The following CNGB3 variants were observed in gnomAD, a reference collection of about 807,000 sequenced individuals.
CNGB3 encodes the protein cyclic nucleotide-gated channel beta-3.
Under a neutral mutation model 92.8 loss-of-function variants are expected in CNGB3, and 86 were observed. The observed-to-expected ratio is 0.93, with a 90% CI of 0.78 to 1.11. The LOEUF is 1.11. Ranked by LOEUF, CNGB3 falls within the 50% of genes least tolerant of loss-of-function variation. CNGB3 has a pLI of 0.00. For synonymous variants in CNGB3, 333 were observed against 332.7 expected, an observed-to-expected ratio of 1.00 and a Z score of -0.01; for missense variants, 1,026 against 956.8, an observed-to-expected ratio of 1.07 and a Z score of -0.95.
At chr8:86,659,132 C>T (rs1823578570) in intron 6 of CNGB3, 1 of 711,886 alleles carries the variant, frequency 1.4e-6, no homozygotes, top group Non-Finnish European at 2.5e-6. Flanking sequence ...TCTCCAGCTC[C>T]TGTACCCGAG....
chr8:86,740,384 C>A (rs1422399079), intron 1 of CNGB3, among the ~76,000 whole-genome samples: 1 of 152,114 alleles, frequency 6.6e-6, no homozygotes, highest in Non-Finnish European at 1.5e-5. Context: ...AGGAAGTGGT[C>A]AATTCTACTG....
intron 3 of CNGB3, among the ~76,000 whole-genome samples, chr8:86,700,434 C>A (rs1480289481): frequency 1.3e-5 from 2 of 152,108 alleles, no homozygotes; most frequent in African/African-American, 4.8e-5. Context: ...GGTAAAAATT[C>A]TGGAAATTTT....
chr8:86,697,398 T>C (rs995066093), intron 3 of CNGB3, among the ~76,000 whole-genome samples: 1 of 152,222 alleles, frequency 6.6e-6, no homozygotes, highest in Non-Finnish European at 1.5e-5. Flanking sequence ...TGTAGTTATA[T>C]CATTAGAGAT....
intron 3 of CNGB3, among the ~76,000 whole-genome samples, chr8:86,723,956 A>T (rs1825015951): frequency 6.6e-6 from 1 of 152,092 alleles, no homozygotes; most frequent in African/African-American, 2.4e-5. Flanking sequence ...ACATGTTCTC[A>T]CTTACAATGG....
intron 10 of CNGB3, among the ~76,000 whole-genome samples, chr8:86,638,759 C>T (rs1349480659): frequency 1.3e-5 from 2 of 151,884 alleles, no homozygotes; most frequent in Non-Finnish European, 2.9e-5. Flanking sequence ...GAATCTCCTT[C>T]TGAACTCTCC....
intron 5 of CNGB3, 121 bp downstream of exon 5, chr8:86,667,898 G>T: frequency 9.2e-7 from 1 of 1,082,384 alleles, no homozygotes; most frequent in Non-Finnish European, 1.4e-6. Flanking sequence ...TTTAAATTCT[G>T]CTTCCTAGTT....
At position 86,653,567 on chromosome 8, in the gene CNGB3, T is replaced by C. The variant is rs767703; in HGVS notation, c.903+445A>G. ...TTATGGGCAATAAAACGTTATGTTTTAGGAAAGGAACGTTCCATGTTATCT... is the reference window on the plus strand; with the variant it reads ...TTATGGGCAATAAAACGTTATGTTTCAGGAAAGGAACGTTCCATGTTATCT... On this transcript the variant is annotated intron_variant, in intron 7 of 17. Coordinates refer to ENST00000320005, the MANE Select transcript of CNGB3 (RefSeq NM_019098.5). Among the ~76,000 whole-genome samples the C allele has an allele frequency of 3.3e-5, 5 of 152,272 alleles. No individual in the cohort carries two copies. In the East Asian group the frequency reaches 9.6e-4, roughly 29 times the overall value.
chr8:86,622,380 T>C (rs1469176792), intron 13 of CNGB3, among the ~76,000 whole-genome samples: 1 of 151,526 alleles, frequency 6.6e-6, no homozygotes, highest in Non-Finnish European at 1.5e-5. Flanking sequence ...TTCTTCTTTT[T>C]TTTTTTTTTT....
chr8:86,580,176 T>G (rs1821734488), intron 15 of CNGB3, among the ~76,000 whole-genome samples: 2 of 95,132 alleles, frequency 2.1e-5, no homozygotes, highest in African/African-American at 8.2e-5. Flanking sequence ...TCACTCATTA[T>G]CACGAGAATA....
intron 10 of CNGB3, among the ~76,000 whole-genome samples, chr8:86,633,385 G>A (rs372137024): frequency 6.6e-6 from 1 of 152,152 alleles, no homozygotes. Flanking sequence ...TACCTCACAT[G>A]TCTGATCCTG....
chr8:86,577,195 A>C (rs984841037), intron 17 of CNGB3, among the ~76,000 whole-genome samples: 3 of 152,210 alleles, frequency 2.0e-5, no homozygotes, highest in African/African-American at 7.2e-5. Flanking sequence ...ATTGAAAGGC[A>C]GCTTAGTGTA....
rs554035362 is a variant in CNGB3 at position 86,619,100 on chromosome 8, A to G, written c.1578+6883T>C. Among the ~76,000 whole-genome samples the G allele has an allele frequency of 3.3e-5, 5 of 152,342 alleles. No individual in the cohort carries two copies. The South Asian group carries it at 6.2e-4, about 19-fold the overall frequency. On this transcript the variant is annotated intron_variant, in intron 13 of 17. Transcript: ENST00000320005. Reference sequence around the variant, plus strand: ...TTCCTTGTCGGACTGTAGTACCTACATTTCAATTTTGGTATCTCTGGGTCT... The same window carrying G: ...TTCCTTGTCGGACTGTAGTACCTACGTTTCAATTTTGGTATCTCTGGGTCT...
chr8:86,677,854 G>A (rs1157931802), intron 3 of CNGB3, among the ~76,000 whole-genome samples: 2 of 152,270 alleles, frequency 1.3e-5, no homozygotes, highest in Middle Eastern at 3.4e-3. Context: ...GTCTTAACAA[G>A]TATTTTGTGA....
intron 15 of CNGB3, chr8:86,594,216 G>C: frequency 3.8e-6 from 1 of 266,070 alleles, no homozygotes. Flanking sequence ...ACCTTCCCTA[G>C]GTCATAGAAG....
At chr8:86,666,744 C>A (rs1345263699) in intron 6 of CNGB3, among the ~76,000 whole-genome samples, 181 bp downstream of exon 6, 1 of 152,132 alleles carries the variant, frequency 6.6e-6, no homozygotes, top group African/African-American at 2.4e-5. Flanking sequence ...TGTTCTCCAG[C>A]ACATTGTGAA....
chr8:86,574,994 G>A lies in CNGB3; in HGVS notation c.*810C>T, dbSNP rs1677252885. The A allele has an allele frequency of 6.6e-6, 1 of 152,160 alleles. No homozygotes were observed. The highest frequency in any genetic ancestry group is 6.5e-5 in the Admixed American group (1 of 15,274). 9.4% of individuals were successfully genotyped at this position (152,160 alleles called of 1,614,324 possible). ...GATATCTTTTCCAGCAAGTGCTTGA[G>A]GAAGATTCTGATAAGTGTCACTTTA... On this transcript the variant is annotated 3_prime_UTR_variant, in exon 18 of 18. Coordinates refer to ENST00000320005, the MANE Select transcript of CNGB3 (RefSeq NM_019098.5).
At chr8:86,635,536 G>A (rs371769433) in intron 10 of CNGB3, among the ~76,000 whole-genome samples, 8 of 151,758 alleles carry the variant, frequency 5.3e-5, no homozygotes, top group South Asian at 4.1e-4. Context: ...TAAATAGTCT[G>A]CTATGTTAAT....
chr8:86,644,635 C>T lies in CNGB3; in HGVS notation c.1042G>A (p.Ala348Thr), dbSNP rs1162454826. ...NHHLESIMDK[A>T]YIYRVIRTTG... ...GTTATACTTTACCTGTAGATATATG[C>T]TTTGTCCATTATAGACTCTAGGTGA... is the stretch of plus-strand genomic sequence containing the variant. The change falls in exon 9 of 18, where the codon GCA (alanine) becomes ACA (threonine). Residue 348 changes from alanine (A) to threonine (T), a missense_variant. Physicochemically the swap from Ala to Thr is moderately conservative, Grantham distance 58. Transcript: ENST00000320005. 6.9e-6 allele frequency: 11 copies of T among 1,600,468 alleles called. No homozygotes were observed. The highest frequency in any genetic ancestry group is 1.1e-5 in the South Asian group (1 of 90,538).
intron 15 of CNGB3, 83 bp downstream of exon 15, chr8:86,604,010 A>C: frequency 1.2e-6 from 1 of 868,314 alleles, no homozygotes; most frequent in Non-Finnish European, 2.0e-6. Flanking sequence ...GATAAATCTG[A>C]GCGGGAACTT....
Sources: allele counts gnomAD v4.1 joint callset (sites outside exome capture counted in the v4.1 genomes callset), GRCh38; gene constraint gnomAD v4.1.1; transcripts MANE v1.5; gene names NCBI Gene and HGNC (gene_info 2026-07-23, HGNC 2026-07-21).